SGCD: variants seen among roughly 807,000 people sequenced by gnomAD.
SGCD encodes the protein delta-sarcoglycan.
A neutral mutation model predicts 36.6 loss-of-function variants in SGCD; 18 were observed. That is an observed-to-expected ratio of 0.49 (90% CI 0.34 to 0.73). The LOEUF is 0.73. Ranked by LOEUF, SGCD falls within the 30% of genes least tolerant of loss-of-function variation. SGCD has a pLI of 0.01. For missense variants in SGCD, 387 were observed against 346.7 expected (o/e 1.12, Z -0.92); for synonymous variants, 133 against 130.6 (o/e 1.02, Z -0.12).
At chr5:156,426,936 G>A (rs1773699002) in intron 3 of SGCD, among the ~76,000 whole-genome samples, 2 of 152,070 alleles carry the variant, frequency 1.3e-5, no homozygotes, top group Non-Finnish European at 1.5e-5. Context: ...TGCTGTTTTG[G>A]TAACTATAGC....
chr5:156,189,582 G>A (rs758494529), intron 3 of SGCD, among the ~76,000 whole-genome samples: 6 of 151,722 alleles, frequency 4.0e-5, no homozygotes, highest in African/African-American at 7.3e-5. Context: ...AGGGGACCTC[G>A]GCCAAAGGCT....
rs144791196 is a variant in SGCD at position 156,763,942 on chromosome 5, G to A, written c.*4552G>A. On this transcript the variant is annotated 3_prime_UTR_variant, in exon 9 of 9. Coordinates refer to ENST00000337851, the MANE Select transcript of SGCD (RefSeq NM_000337.6). Reference sequence around the variant, plus strand: ...TTATAAAGGCCAAAGGTAGTATGAAGTTTGGACCAAAAAGGTAAATAGATC... The same window carrying A: ...TTATAAAGGCCAAAGGTAGTATGAAATTTGGACCAAAAAGGTAAATAGATC... 5.2e-4 allele frequency: 79 copies of A among 152,268 alleles called. No individual in the cohort carries two copies. Among genetic ancestry groups the A allele is most frequent in the Middle Eastern group, 3.4e-3 (1 of 294 alleles). 9.4% of individuals were successfully genotyped at this position (152,268 alleles called of 1,614,324 possible).
At chr5:155,833,735 C>G in the SGCD span, among the ~76,000 whole-genome samples, 2 of 152,184 alleles carry the variant, frequency 1.3e-5, no homozygotes, top group African/African-American at 4.8e-5. Context: ...TTAGAGACCC[C>G]CCTCATGTTG....
chr5:156,722,429 A>G (rs148449133), intron 7 of SGCD, among the ~76,000 whole-genome samples: 1 of 152,314 alleles, frequency 6.6e-6, no homozygotes, highest in Non-Finnish European at 1.5e-5. Context: ...TATTGTCACA[A>G]CTACAATCAA....
chr5:156,465,239 C>T (rs1353990592), intron 3 of SGCD, among the ~76,000 whole-genome samples: 1 of 152,066 alleles, frequency 6.6e-6, no homozygotes, highest in Non-Finnish European at 1.5e-5. Flanking sequence ...TGGTGGTTCT[C>T]AAACCTTCAT....
chr5:155,894,507 T>G (rs1756205990), intron 1 of SGCD, among the ~76,000 whole-genome samples: 1 of 152,138 alleles, frequency 6.6e-6, no homozygotes, highest in African/African-American at 2.4e-5. Context: ...TGTGGCCTAT[T>G]ATAAACTGGG....
At position 156,536,639 on chromosome 5, in the gene SGCD, G is replaced by A. The variant is rs573347515; in HGVS notation, c.294+27937G>A. ...TGTTTTTTGGCAGAGGTTATGATCTGGAGGGAATCTTTTCTTCTTCCTCCC... is the reference window on the plus strand; with the variant it reads ...TGTTTTTTGGCAGAGGTTATGATCTAGAGGGAATCTTTTCTTCTTCCTCCC... On this transcript the variant is annotated intron_variant, in intron 4 of 8. Transcript: ENST00000337851. Among the ~76,000 whole-genome samples, 35 of 152,108 alleles carry A rather than the reference G, an allele frequency of 2.3e-4. No homozygotes were observed. The East Asian group carries it at 6.0e-3, about 26-fold the overall frequency.
At chr5:156,484,010 T>C (rs1220184413) in intron 3 of SGCD, among the ~76,000 whole-genome samples, 1 of 152,212 alleles carries the variant, frequency 6.6e-6, no homozygotes, top group Non-Finnish European at 1.5e-5. Flanking sequence ...TCCGCTAGTC[T>C]GAAATTGACA....
At chr5:155,810,621 C>A in the SGCD span, among the ~76,000 whole-genome samples, 1 of 151,818 alleles carries the variant, frequency 6.6e-6, no homozygotes, top group African/African-American at 2.4e-5. Context: ...AAATGAAGAG[C>A]TAAATGTTGA....
chr5:156,428,835 A>G (rs1212246700), intron 3 of SGCD, among the ~76,000 whole-genome samples: 1 of 152,062 alleles, frequency 6.6e-6, no homozygotes, highest in Non-Finnish European at 1.5e-5. Flanking sequence ...ATATATTTGT[A>G]TAGTTTTTTG....
the SGCD span, among the ~76,000 whole-genome samples, chr5:155,733,014 GTTTTT>G: frequency 1.1e-3 from 154 of 141,546 alleles, 1 homozygote; most frequent in East Asian, 2.6e-3. Context: ...TGTTATACTC[GTTTTT>G]TTTTTTTTTT....
chr5:156,613,483 T>C (rs1315796257), intron 6 of SGCD, among the ~76,000 whole-genome samples: 1 of 152,222 alleles, frequency 6.6e-6, no homozygotes, highest in Non-Finnish European at 1.5e-5. Context: ...CTCACTGTCA[T>C]ATGTATTCTC....
chr5:155,868,421 G>A (rs914375823), upstream of SGCD, among the ~76,000 whole-genome samples: 11 of 142,322 alleles, frequency 7.7e-5, no homozygotes, highest in Non-Finnish European at 1.5e-4. Flanking sequence ...TGCCAGACTG[G>A]TCTAGAACTC....
At chr5:155,840,060 T>A in the SGCD span, among the ~76,000 whole-genome samples, 1 of 148,664 alleles carries the variant, frequency 6.7e-6, no homozygotes, top group African/African-American at 2.5e-5. Flanking sequence ...AAAGAAATGA[T>A]ATTTCCTTTG....
intron 1 of SGCD, among the ~76,000 whole-genome samples, chr5:155,896,566 A>C (rs1475730710): frequency 3.3e-5 from 5 of 151,674 alleles, no homozygotes; most frequent in Admixed American, 6.6e-5. Flanking sequence ...GGATTGCTTG[A>C]GCATTGGAGG....
At chr5:156,215,846 A>G (rs1241406724) in intron 3 of SGCD, among the ~76,000 whole-genome samples, 1 of 152,206 alleles carries the variant, frequency 6.6e-6, no homozygotes, top group Admixed American at 6.5e-5. Context: ...ATATATACAA[A>G]GGAAATGAAA....
intron 3 of SGCD, among the ~76,000 whole-genome samples, chr5:156,168,942 GGAT>G (rs1313532844): frequency 6.6e-6 from 1 of 152,160 alleles, no homozygotes; most frequent in Admixed American, 6.5e-5. Flanking sequence ...GCATGTGATG[GGAT>G]GATGAGTGTG....
intron 7 of SGCD, among the ~76,000 whole-genome samples, chr5:156,690,092 A>G (rs1754054407): frequency 6.6e-6 from 1 of 152,224 alleles, no homozygotes; most frequent in South Asian, 2.1e-4. Context: ...TCTTCCAGAC[A>G]CTGTCCTAAA....
At chr5:156,117,292 G>A (rs1357414632) in intron 1 of SGCD, among the ~76,000 whole-genome samples, 1 of 151,934 alleles carries the variant, frequency 6.6e-6, no homozygotes, top group Non-Finnish European at 1.5e-5. Flanking sequence ...CAACCAAGGT[G>A]TTATGCCCAT....
Sources: gnomAD v4.1 joint callset for allele counts (sites outside exome capture counted in the v4.1 genomes callset) on GRCh38, gnomAD v4.1.1 for gene constraint, MANE v1.5 for transcripts, NCBI Gene and HGNC (gene_info 2026-07-23, HGNC 2026-07-21) for gene names.